ZBTB20: variants seen among roughly 807,000 people sequenced by gnomAD.
ZBTB20 encodes the protein zinc finger and BTB domain-containing protein 20.
A neutral mutation model predicts 56.9 loss-of-function variants in ZBTB20; 9 were observed. That is an observed-to-expected ratio of 0.16 (90% CI 0.10 to 0.28). ZBTB20 has a LOEUF of 0.28. Ranked by LOEUF, ZBTB20 falls within the 10% of genes least tolerant of loss-of-function variation. ZBTB20 has a pLI of 1.00. For missense variants in ZBTB20, 655 were observed against 1,003.0 expected (o/e 0.65, Z 4.69); for synonymous variants, 417 against 420.7 (o/e 0.99, Z 0.11).
At chr3:114,738,000 T>C (rs1295170352) in intron 5 of ZBTB20, among the ~76,000 whole-genome samples, 1 of 152,150 alleles carries the variant, frequency 6.6e-6, no homozygotes, top group Non-Finnish European at 1.5e-5. Flanking sequence ...CTTGCTTTTT[T>C]TCTAGTAATG....
intron 6 of ZBTB20, among the ~76,000 whole-genome samples, chr3:114,662,912 T>C (rs560215465): frequency 1.3e-5 from 2 of 152,134 alleles, no homozygotes; most frequent in South Asian, 2.1e-4. Context: ...CTACGTCTGA[T>C]TGGTGTACCT....
intron 5 of ZBTB20, among the ~76,000 whole-genome samples, chr3:114,788,140 A>C (rs992679176): frequency 2.0e-5 from 3 of 152,180 alleles, no homozygotes; most frequent in African/African-American, 7.2e-5. Flanking sequence ...CTGTAACTGC[A>C]ATGTATTTTC....
At position 114,389,049 on chromosome 3, in the gene ZBTB20, CA is replaced by C. The variant is rs1303361546; in HGVS notation, c.-199del. 6.6e-6 allele frequency: 1 copy of C among 152,134 alleles called. No homozygotes were observed. The highest frequency in any genetic ancestry group is 1.5e-5 in the Non-Finnish European group (1 of 68,050). The allele number at this position is 152,134 out of a possible 1,614,324, so 9.4% of individuals were successfully genotyped here. On this transcript the variant is annotated 5_prime_UTR_variant, in exon 8 of 12. An upstream open reading frame in the 5' UTR loses its in-frame stop. Coordinates refer to ENST00000675478, the MANE Select transcript of ZBTB20 (RefSeq NM_001348800.3). Reference sequence around the variant, plus strand: ...GTGTCACTCTTCAGGTAAATTACTCCAAGGCTTGGGCCTAGTGCAGATGTTC... The same window carrying C: ...GTGTCACTCTTCAGGTAAATTACTCCAGGCTTGGGCCTAGTGCAGATGTTC...
In ZBTB20 at chr3:114,742,573, A is replaced by G. The variant is rs191094487; in HGVS notation, c.-342-48998T>C. ...GATCTCCTACAAGACAAGTGCTATT[A>G]TTTTCATTTTACATACGAGAAAACT... On this transcript the variant is annotated intron_variant, in intron 5 of 11. Transcript: ENST00000675478. Among the ~76,000 whole-genome samples the G allele has an allele frequency of 9.2e-5, 14 of 152,296 alleles. No individual in the cohort carries two copies. In the East Asian group the frequency reaches 2.7e-3, roughly 29 times the overall value.
intron 3 of ZBTB20, among the ~76,000 whole-genome samples, chr3:114,915,938 A>G (rs1014104106): frequency 2.6e-5 from 4 of 152,030 alleles, no homozygotes; most frequent in African/African-American, 9.7e-5. Context: ...ATATTATTTC[A>G]AATTTTTGAA....
At chr3:114,837,116 T>A (rs2074158787) in intron 4 of ZBTB20, among the ~76,000 whole-genome samples, 1 of 152,302 alleles carries the variant, frequency 6.6e-6, no homozygotes, top group Non-Finnish European at 1.5e-5. Context: ...ACTGATTTCT[T>A]CACTCGTAGC....
chr3:114,431,280 G>C (rs1007665926), intron 7 of ZBTB20, among the ~76,000 whole-genome samples: 1 of 152,108 alleles, frequency 6.6e-6, no homozygotes, highest in Non-Finnish European at 1.5e-5. Context: ...TGGATGAAGA[G>C]TCTCTATCAG....
chr3:114,427,711 C>G (rs1485320816), intron 7 of ZBTB20, among the ~76,000 whole-genome samples: 1 of 152,204 alleles, frequency 6.6e-6, no homozygotes, highest in Non-Finnish European at 1.5e-5. Flanking sequence ...GTCTTCCCCT[C>G]AGCACTCACC....
chr3:115,032,977 A>AC (rs34532247), intron 2 of ZBTB20, among the ~76,000 whole-genome samples: 2 of 147,402 alleles, frequency 1.4e-5, no homozygotes, highest in African/African-American at 5.0e-5. Context: ...AAAAAAAAAA[A>AC]CAAACTAAAC....
At chr3:114,484,448 C>T (rs964843297) in intron 7 of ZBTB20, among the ~76,000 whole-genome samples, 5 of 152,154 alleles carry the variant, frequency 3.3e-5, no homozygotes, top group Admixed American at 1.3e-4. Context: ...ACAAGCTCTT[C>T]GAGGGCTCTG....
chr3:114,821,503 C>A (rs888145452), intron 4 of ZBTB20, among the ~76,000 whole-genome samples: 1 of 152,122 alleles, frequency 6.6e-6, no homozygotes, highest in African/African-American at 2.4e-5. Context: ...AAGATGATAG[C>A]TTTGGCCTAG....
intron 1 of ZBTB20, among the ~76,000 whole-genome samples, chr3:115,137,611 C>CA (rs1279666512): frequency 6.6e-6 from 1 of 151,956 alleles, no homozygotes; most frequent in Admixed American, 6.6e-5. Flanking sequence ...GTATTCCACT[C>CA]AAAGCATAGT....
intron 7 of ZBTB20, among the ~76,000 whole-genome samples, chr3:114,477,940 TCTCTCTCTCC>T (rs1559845022): frequency 3.4e-5 from 1 of 29,708 alleles, no homozygotes; most frequent in African/African-American, 7.4e-5. Context: ...TCTCTCTCTC[TCTCTCTCTCC>T]CTCCCACCCT....
intron 1 of ZBTB20, among the ~76,000 whole-genome samples, chr3:115,113,292 C>G (rs2083930423): frequency 6.6e-6 from 1 of 152,198 alleles, no homozygotes; most frequent in African/African-American, 2.4e-5. Context: ...AGTTATGTGT[C>G]TCTTGACTTC....
intron 6 of ZBTB20, among the ~76,000 whole-genome samples, chr3:114,529,735 G>T (rs1039229917): frequency 6.6e-5 from 10 of 152,204 alleles, no homozygotes; most frequent in African/African-American, 2.4e-4. Flanking sequence ...TTGGGGTTTT[G>T]TTGGTGTGGA....
intron 5 of ZBTB20, among the ~76,000 whole-genome samples, chr3:114,702,860 T>C (rs1414837063): frequency 6.6e-6 from 1 of 152,208 alleles, no homozygotes; most frequent in Non-Finnish European, 1.5e-5. Flanking sequence ...AAAAAGAATC[T>C]GTAGTCTGAA....
chr3:114,711,869 A>C lies in ZBTB20; in HGVS notation c.-342-18294T>G, dbSNP rs202150227. Among the ~76,000 whole-genome samples, 9 of 152,336 alleles carry C rather than the reference A, an allele frequency of 5.9e-5. No homozygotes were observed. The East Asian group carries it at 1.7e-3, about 29-fold the overall frequency. The stretch of plus-strand genomic sequence containing the variant: ...TGAAGCAAACAACATTCTAAGTGCT[A>C]TTCTTCTATGTCTAAGCTTTGACGA... On this transcript the variant is annotated intron_variant, in intron 5 of 11. Coordinates refer to ENST00000675478, the MANE Select transcript of ZBTB20 (RefSeq NM_001348800.3).
rs1428635519 is a variant in ZBTB20, at chr3:114,320,117, A to G, written c.*18888T>C. 2.0e-5 allele frequency: 3 copies of G among 152,236 alleles called. No individual in the cohort carries two copies. Among genetic ancestry groups the G allele is most frequent in the African/African-American group, 7.2e-5 (3 of 41,526 alleles). The allele number at this position is 152,236 out of a possible 1,614,324, so 9.4% of individuals were successfully genotyped here. On this transcript the variant is annotated 3_prime_UTR_variant, in exon 12 of 12. Coordinates refer to ENST00000675478, the MANE Select transcript of ZBTB20 (RefSeq NM_001348800.3). ...TTATATTTTCAGCATTGTAGTTTAA[A>G]CTATGTATTTTTCTTACTTGATGAT...
intron 3 of ZBTB20, among the ~76,000 whole-genome samples, chr3:114,917,829 G>C (rs2075805311): frequency 6.6e-6 from 1 of 152,158 alleles, no homozygotes; most frequent in Non-Finnish European, 1.5e-5. Flanking sequence ...GGTCTGACCT[G>C]AGGCCAGCAC....
Sources: gnomAD v4.1 joint callset for allele counts (sites outside exome capture counted in the v4.1 genomes callset) on GRCh38, gnomAD v4.1.1 for gene constraint, MANE v1.5 for transcripts, NCBI Gene and HGNC (gene_info 2026-07-23, HGNC 2026-07-21) for gene names.